Variants in BRF1 observed in about 807,000 individuals in gnomAD.
BRF1 encodes the protein transcription factor IIIB 90 kDa subunit.
A neutral mutation model predicts 81.7 loss-of-function variants in BRF1; 59 were observed. The observed-to-expected ratio is 0.72, with a 90% CI of 0.59 to 0.90. The LOEUF (loss-of-function observed/expected upper bound fraction) is 0.90. BRF1 is among the 40% of genes least tolerant of loss of function. BRF1 has a pLI of 0.00. For synonymous variants in BRF1, 491 were observed against 395.6 expected (o/e 1.24, Z -2.86); for missense variants, 1,050 against 936.3 (o/e 1.12, Z -1.58).
intron 5 of BRF1, chr14:105,249,846 T>C (rs771518146): frequency 3.7e-6 from 6 of 1,613,222 alleles, no homozygotes; most frequent in Non-Finnish European, 5.1e-6. Flanking sequence ...TGGGAGGTCA[T>C]TGACGCACAG....
At chr14:105,217,979 A>T (rs587752870) in intron 14 of BRF1, among the ~76,000 whole-genome samples, 179 bp from the exon 15 acceptor site, 1 of 152,274 alleles carries the variant, frequency 6.6e-6, no homozygotes, top group East Asian at 1.9e-4. Flanking sequence ...GGGCCTGCCC[A>T]CGTCAAATCC....
chr14:105,248,559 G>T (rs1196680968), intron 5 of BRF1: 2 of 925,044 alleles, frequency 2.2e-6, no homozygotes, highest in Middle Eastern at 5.5e-4. Flanking sequence ...GCGCCGCGGC[G>T]GGTACGGGCT....
rs746748909 is a variant in BRF1 at position 105,241,229 on chromosome 14, G to T, written c.694+36C>A. 3.7e-6 allele frequency: 6 copies of T among 1,604,288 alleles called. No individual in the cohort carries two copies. In the African/African-American group the frequency reaches 6.7e-5, roughly 18 times the overall value. On this transcript the variant is annotated intron_variant, in intron 6 of 17. Coordinates refer to ENST00000547530, the MANE Select transcript of BRF1 (RefSeq NM_001519.4). The stretch of plus-strand genomic sequence containing the variant: ...CAGGAAAGTGTGAGGCCAGGACCCA[G>T]ACCAGCATCCCCCAGGCAGGCAGGG...
intron 4 of BRF1, among the ~76,000 whole-genome samples, chr14:105,254,001 C>T (rs2055747465): frequency 6.6e-6 from 1 of 152,168 alleles, no homozygotes; most frequent in Non-Finnish European, 1.5e-5. Context: ...TGCCCCAGCC[C>T]CTGTGCTGGG....
chr14:105,248,562 T>A, intron 5 of BRF1: 1 of 301,572 alleles, frequency 3.3e-6, no homozygotes, highest in Non-Finnish European at 4.0e-6. Flanking sequence ...CCGCGGCGGG[T>A]ACGGGCTCGG....
At chr14:105,229,433 G>A (rs375959529) in intron 6 of BRF1, among the ~76,000 whole-genome samples, 11 of 152,240 alleles carry the variant, frequency 7.2e-5, no homozygotes, top group East Asian at 3.8e-4. Flanking sequence ...CTGGCCTGCC[G>A]GGTAGAGTGG....
chr14:105,223,542 G>A (rs1452521322), intron 10 of BRF1, among the ~76,000 whole-genome samples: 2 of 150,044 alleles, frequency 1.3e-5, no homozygotes, highest in African/African-American at 2.5e-5. Context: ...GAAAAAAGCC[G>A]AAGGGAAAAA....
At chr14:105,229,367 G>A (rs888291497) in intron 6 of BRF1, among the ~76,000 whole-genome samples, 1 of 152,232 alleles carries the variant, frequency 6.6e-6, no homozygotes, top group South Asian at 2.1e-4. Flanking sequence ...GATCATGTGT[G>A]CAGATGGAAC....
Position 105,246,761 on chromosome 14 carries a change from CTG to C in BRF1, c.545-5349_545-5348del, listed in dbSNP as rs773135565. Reference sequence around the variant, plus strand: ...CGTGAGCCACCGCGCCCAACCTACACTGTAACATATTTAAAAATCAAAGTGCA... The same window carrying C: ...CGTGAGCCACCGCGCCCAACCTACACTAACATATTTAAAAATCAAAGTGCA... On this transcript the variant is annotated intron_variant, in intron 5 of 17. Coordinates refer to ENST00000547530, the MANE Select transcript of BRF1 (RefSeq NM_001519.4). 774 of 971,840 alleles carry C rather than the reference CTG, an allele frequency of 8.0e-4. 2 individuals are homozygous for C. Among genetic ancestry groups the C allele is most frequent in the Non-Finnish European group, 9.1e-4 (744 of 817,616 alleles). 60.2% of individuals were successfully genotyped at this position (971,840 alleles called of 1,614,324 possible).
At chr14:105,241,573 A>C in intron 5 of BRF1, 159 bp from the exon 6 acceptor site, 1 of 938,906 alleles carries the variant, frequency 1.1e-6, no homozygotes, top group Non-Finnish European at 1.6e-6. Context: ...TCTGACCCTC[A>C]GCTAGGGCAG....
rs189516948 is a variant in BRF1 at position 105,263,701 on chromosome 14, G to A, written c.440-7152C>T. Among the ~76,000 whole-genome samples, 42 of 152,114 alleles carry A rather than the reference G, an allele frequency of 2.8e-4. 1 individual carries two copies. The highest frequency in any genetic ancestry group is 1.7e-3 in the South Asian group (8 of 4,808). On this transcript the variant is annotated intron_variant, in intron 3 of 17. Coordinates refer to ENST00000547530, the MANE Select transcript of BRF1 (RefSeq NM_001519.4). ...AACACTTTGGAAGGGTGAGATGGGCGGACCACGAGGTCAGGAGATCGAGAC... is the reference window on the plus strand; with the variant it reads ...AACACTTTGGAAGGGTGAGATGGGCAGACCACGAGGTCAGGAGATCGAGAC...
intron 5 of BRF1, chr14:105,250,292 A>G (rs1566836248): frequency 6.2e-7 from 1 of 1,613,044 alleles, no homozygotes; most frequent in Non-Finnish European, 8.5e-7. Context: ...CTGCGACAGC[A>G]TCCAGTTTGC....
At chr14:105,253,610 GCA>G (rs1342079912) in intron 4 of BRF1, among the ~76,000 whole-genome samples, 1 of 152,218 alleles carries the variant, frequency 6.6e-6, no homozygotes, top group African/African-American at 2.4e-5. Flanking sequence ...TGCGCTAGAG[GCA>G]AGAGACAGAG....
chr14:105,250,440 G>C, intron 5 of BRF1: 1 of 1,614,022 alleles, frequency 6.2e-7, no homozygotes, highest in Non-Finnish European at 8.5e-7. Context: ...ATGTCAGACG[G>C]ATCCAGTAAC....
chr14:105,221,078 G>A (rs1385582539), intron 11 of BRF1, among the ~76,000 whole-genome samples: 1 of 152,256 alleles, frequency 6.6e-6, no homozygotes, highest in African/African-American at 2.4e-5. Context: ...TGCCCGACGG[G>A]AGGCAGGGCT....
chr14:105,217,690 C>A lies in BRF1; in HGVS notation c.1626G>T (p.Val542=), dbSNP rs774172576. ...CGCCGGCGCTGCTGAGGCCCCGGAGCACGCTATAATTGATCTTGCTGGAGA... is the reference window on the plus strand; with the variant it reads ...CGCCGGCGCTGCTGAGGCCCCGGAGAACGCTATAATTGATCTTGCTGGAGA... ...KKISSKINYS[V]LRGLSSAGGG... is the part of the protein sequence containing the mutation. The change falls in exon 15 of 18, where the codon GTG becomes GTT. Residue 542 remains valine (V), a synonymous_variant. Coordinates refer to ENST00000547530, the MANE Select transcript of BRF1 (RefSeq NM_001519.4). The A allele has an allele frequency of 1.9e-6, 3 of 1,613,416 alleles. No individual in the cohort carries two copies. The South Asian group carries it at 3.3e-5, about 18-fold the overall frequency.
intron 1 of BRF1, among the ~76,000 whole-genome samples, chr14:105,311,294 C>G (rs1317316012): frequency 2.0e-5 from 3 of 151,942 alleles, no homozygotes; most frequent in African/African-American, 7.3e-5. Context: ...GGCTCTGTCC[C>G]CCAGACTGGA....
In BRF1 at chr14:105,241,368, C is replaced by A. The variant is rs750188032; in HGVS notation, c.591G>T (p.Gly197=). 8 of 1,612,668 alleles carry A rather than the reference C, an allele frequency of 5.0e-6. No homozygotes were observed. Among genetic ancestry groups the A allele is most frequent in the Non-Finnish European group, 6.8e-6 (8 of 1,179,944 alleles). Residue 197 remains glycine, a synonymous_variant, in exon 6 of 18, where the codon GGG becomes GGT. Coordinates refer to ENST00000547530, the MANE Select transcript of BRF1 (RefSeq NM_001519.4). ...TCATGGACACCTCGTGGTTCTTCTC[C>A]CCGAATTCCAGCAGGTGCGCAAAGC... ...IPRFAHLLEF[G]EKNHEVSMTA... is the part of the protein sequence containing the mutation.
At chr14:105,250,029 A>G in intron 5 of BRF1, 1 of 1,612,970 alleles carries the variant, frequency 6.2e-7, no homozygotes, top group Non-Finnish European at 8.5e-7. Flanking sequence ...CCACGAAACA[A>G]GAGGCATGTT....
Sources: allele counts gnomAD v4.1 joint callset (sites outside exome capture counted in the v4.1 genomes callset), GRCh38; gene constraint gnomAD v4.1.1; transcripts MANE v1.5; gene names NCBI Gene and HGNC (gene_info 2026-07-23, HGNC 2026-07-21).